AGBL4: variants seen among roughly 807,000 people sequenced by gnomAD.
AGBL4 encodes cytosolic carboxypeptidase 6.
In AGBL4, 58 loss-of-function variants were observed where a neutral mutation model predicts 66.4. That is an observed-to-expected ratio of 0.87 (90% confidence interval 0.71 to 1.09). AGBL4 has a LOEUF of 1.09. Ranked by LOEUF, AGBL4 falls within the 50% of genes least tolerant of loss-of-function variation. The pLI, the probability that AGBL4 is intolerant of heterozygous loss-of-function variation, is 0.00. For missense variants in AGBL4, 579 were observed against 631.0 expected, an observed-to-expected ratio of 0.92 and a Z score of 0.88; for synonymous variants, 234 against 222.9, an observed-to-expected ratio of 1.05 and a Z score of -0.44.
intron 4 of AGBL4, among the ~76,000 whole-genome samples, chr1:49,094,117 A>G (rs1403265965): frequency 6.6e-6 from 1 of 152,162 alleles, no homozygotes; most frequent in Non-Finnish European, 1.5e-5. Context: ...ATACAGATGC[A>G]GAGCAACTAG....
intron 4 of AGBL4, among the ~76,000 whole-genome samples, chr1:49,129,776 G>A (rs1377837885): frequency 2.6e-5 from 4 of 152,020 alleles, no homozygotes; most frequent in South Asian, 2.1e-4. Context: ...ATAAACATAC[G>A]TGTGCATGTG....
chr1:49,488,595 T>C (rs1647119097), intron 3 of AGBL4, among the ~76,000 whole-genome samples: 4 of 151,950 alleles, frequency 2.6e-5, no homozygotes, highest in Non-Finnish European at 5.9e-5. Context: ...AATTAAATTA[T>C]TGACTGTACT....
intron 2 of AGBL4, chr1:49,841,822 G>A (rs536822848): frequency 6.2e-5 from 23 of 372,606 alleles, no homozygotes; most frequent in Admixed American, 8.4e-5. Context: ...AAATCCCACC[G>A]GCACCACGGC....
chr1:49,326,325 A>G (rs921218009), intron 3 of AGBL4, among the ~76,000 whole-genome samples: 1 of 152,124 alleles, frequency 6.6e-6, no homozygotes, highest in African/African-American at 2.4e-5. Context: ...TACCATTTCT[A>G]TTGAAAGGTC....
At chr1:48,730,327 T>C (rs762188325) in intron 6 of AGBL4, among the ~76,000 whole-genome samples, 8 of 152,294 alleles carry the variant, frequency 5.3e-5, no homozygotes, top group Middle Eastern at 3.4e-3. Context: ...AGTTGAGATA[T>C]TCGTATCTGA....
At chr1:48,898,133 GC>G (rs1651718805) in intron 5 of AGBL4, among the ~76,000 whole-genome samples, 1 of 151,770 alleles carries the variant, frequency 6.6e-6, no homozygotes. Flanking sequence ...TGATTATTTG[GC>G]TTTTGTTTTT....
chr1:48,711,173 A>C (rs1275990870), intron 6 of AGBL4, among the ~76,000 whole-genome samples: 1 of 152,140 alleles, frequency 6.6e-6, no homozygotes, highest in East Asian at 1.9e-4. Flanking sequence ...GAGTCTACTG[A>C]CTGGAGGATG....
intron 5 of AGBL4, among the ~76,000 whole-genome samples, chr1:48,944,684 G>T (rs1035646765): frequency 6.6e-6 from 1 of 151,810 alleles, no homozygotes; most frequent in African/African-American, 2.4e-5. Flanking sequence ...ACTGCCCCCC[G>T]CAACCCTTCT....
intron 2 of AGBL4, among the ~76,000 whole-genome samples, chr1:49,781,819 C>T (rs1288192020): frequency 6.6e-6 from 1 of 151,894 alleles, no homozygotes; most frequent in Non-Finnish European, 1.5e-5. Flanking sequence ...AACTAAATTA[C>T]AAGTTAACAC....
intron 6 of AGBL4, among the ~76,000 whole-genome samples, chr1:48,675,316 T>C (rs1004698049): frequency 1.3e-5 from 2 of 152,094 alleles, no homozygotes; most frequent in Non-Finnish European, 2.9e-5. Flanking sequence ...AGCTCAAGGA[T>C]GGGGGAAATT....
chr1:49,593,651 T>C (rs1301306787), intron 3 of AGBL4, among the ~76,000 whole-genome samples: 2 of 152,186 alleles, frequency 1.3e-5, no homozygotes, highest in Non-Finnish European at 2.9e-5. Context: ...GCGCTACTTA[T>C]TGTCTTGCTT....
intron 3 of AGBL4, among the ~76,000 whole-genome samples, chr1:49,439,139 C>G (rs1382189761): frequency 6.6e-6 from 1 of 152,204 alleles, no homozygotes; most frequent in African/African-American, 2.4e-5. Context: ...CTTGGAGGAG[C>G]TGATATACAA....
intron 6 of AGBL4, among the ~76,000 whole-genome samples, chr1:48,819,275 C>T (rs1324145463): frequency 6.6e-6 from 1 of 152,088 alleles, no homozygotes; most frequent in Admixed American, 6.6e-5. Context: ...TGGGGAATAA[C>T]CAGTGCTTAG....
At chr1:49,258,351 C>T (rs1026243554) in intron 3 of AGBL4, among the ~76,000 whole-genome samples, 2 of 152,142 alleles carry the variant, frequency 1.3e-5, no homozygotes, top group Non-Finnish European at 2.9e-5. Context: ...GACGATCAAA[C>T]TACTCCGAGC....
chr1:49,751,824 A>G (rs1044241489), intron 2 of AGBL4, among the ~76,000 whole-genome samples: 5 of 152,196 alleles, frequency 3.3e-5, no homozygotes, highest in Admixed American at 3.3e-4. Flanking sequence ...TGTGTCCAGG[A>G]ATTTATCCAT....
At chr1:49,100,828 CTAGGCAT>C (rs1280133964) in intron 4 of AGBL4, among the ~76,000 whole-genome samples, 1 of 152,168 alleles carries the variant, frequency 6.6e-6, no homozygotes, top group East Asian at 1.9e-4. Context: ...CTACTCTGTG[CTAGGCAT>C]TTTACATAAT....
intron 4 of AGBL4, among the ~76,000 whole-genome samples, chr1:49,125,284 A>G (rs2148054507): frequency 6.6e-6 from 1 of 152,288 alleles, no homozygotes; most frequent in South Asian, 2.1e-4. Context: ...TAATATATAT[A>G]TATTACTTAG....
chr1:49,627,758 C>A (rs911436228), intron 3 of AGBL4, among the ~76,000 whole-genome samples: 1 of 152,168 alleles, frequency 6.6e-6, no homozygotes, highest in Non-Finnish European at 1.5e-5. Flanking sequence ...CCTCCTTCAC[C>A]TGGTCATATA....
intron 11 of AGBL4, among the ~76,000 whole-genome samples, chr1:48,546,011 A>G (rs1644152687): frequency 6.6e-6 from 1 of 152,238 alleles, no homozygotes; most frequent in South Asian, 2.1e-4. Flanking sequence ...TACACTTTAT[A>G]GCCTAGAGAA....
Sources: allele counts gnomAD v4.1 joint callset (sites outside exome capture counted in the v4.1 genomes callset), GRCh38; gene constraint gnomAD v4.1.1; transcripts MANE v1.5; gene names NCBI Gene and HGNC (gene_info 2026-07-23, HGNC 2026-07-21).